SYDE2: variants seen among roughly 807,000 people sequenced by gnomAD.
The protein encoded by SYDE2 is synapse defective Rho GTPase homolog 2, also known as rho GTPase-activating protein SYDE2.
A neutral mutation model predicts 91.5 loss-of-function variants in SYDE2; 76 were observed. The ratio of observed to expected loss-of-function variants is 0.83; its 90% confidence interval spans 0.69 to 1.01. SYDE2 has a LOEUF of 1.01. Ranked by LOEUF, SYDE2 falls within the 50% of genes least tolerant of loss-of-function variation. SYDE2 has a pLI of 0.00. For missense variants in SYDE2, 1,364 were observed against 1,367.7 expected (o/e 1.00, Z 0.04); for synonymous variants, 513 against 506.4 (o/e 1.01, Z -0.18).
chr1:85,163,442 A>AAT (rs1491322072), intron 6 of SYDE2, among the ~76,000 whole-genome samples: 59 of 50,742 alleles, frequency 1.2e-3, no homozygotes, highest in South Asian at 0.011. Flanking sequence ...CTTGTACTTT[A>AAT]ATCTATATAT....
chr1:85,175,905 T>G (rs1387183834), intron 4 of SYDE2, among the ~76,000 whole-genome samples: 1 of 152,084 alleles, frequency 6.6e-6, no homozygotes. Flanking sequence ...TTTACCCAAA[T>G]GGAATAGTAC....
At chr1:85,182,075 AG>A in intron 3 of SYDE2, 22 bp downstream of exon 3, 1 of 1,543,214 alleles carries the variant, frequency 6.5e-7, no homozygotes, top group East Asian at 2.3e-5. Flanking sequence ...AGGAAGTAGT[AG>A]GGAACCATAG....
At chr1:85,172,925 C>T (rs1173394117) in intron 4 of SYDE2, among the ~76,000 whole-genome samples, 1 of 152,148 alleles carries the variant, frequency 6.6e-6, no homozygotes, top group Non-Finnish European at 1.5e-5. Flanking sequence ...ACCAGCCAAA[C>T]AGATTAGAGA....
chr1:85,200,371 G>C lies in SYDE2; in HGVS notation c.626C>G (p.Ala209Gly), dbSNP rs772615748. Residue 209 changes from alanine (A) to glycine (G), a missense_variant, in exon 1 of 7, where the codon GCC (alanine) becomes GGC (glycine). Coordinates refer to ENST00000341460, the MANE Select transcript of SYDE2 (RefSeq NM_032184.2). ...TGTGACTTTGGGAGCCGTCCCACGG[G>C]CACGACCCTTCATTCCCAGGGACAG... ...RLLSLGMKGR[A>G]RGTAPKVTGT... 1 of 1,614,036 alleles carries C rather than the reference G, an allele frequency of 6.2e-7. No individual in the cohort carries two copies. The highest frequency in any genetic ancestry group is 8.5e-7 in the Non-Finnish European group (1 of 1,179,898).
intron 4 of SYDE2, among the ~76,000 whole-genome samples, chr1:85,174,759 T>C (rs999669753): frequency 9.2e-5 from 14 of 152,172 alleles, no homozygotes; most frequent in African/African-American, 3.1e-4. Flanking sequence ...GCTAAGTCTA[T>C]GACCATTCCT....
downstream of SYDE2, among the ~76,000 whole-genome samples, chr1:85,155,185 A>G (rs555050353): frequency 6.6e-6 from 1 of 152,292 alleles, no homozygotes; most frequent in South Asian, 2.1e-4. Flanking sequence ...TGAAGAACAT[A>G]CTTCCTTCCT....
At chr1:85,176,027 T>C (rs1357474023) in intron 4 of SYDE2, among the ~76,000 whole-genome samples, 1 of 152,232 alleles carries the variant, frequency 6.6e-6, no homozygotes, top group Admixed American at 6.5e-5. Context: ...CTTCTGCATA[T>C]GCTGCCAATT....
rs1270666992 is a variant in SYDE2 at position 85,158,134 on chromosome 1, T to C, written c.*616A>G. The C allele has an allele frequency of 6.6e-6, 1 of 152,328 alleles. No individual in the cohort carries two copies. The highest frequency in any genetic ancestry group is 1.5e-5 in the Non-Finnish European group (1 of 68,212). The allele number at this position is 152,328 out of a possible 1,614,324, so 9.4% of individuals were successfully genotyped here. A position where few individuals can be genotyped will look rare whatever the true frequency, so the allele number is the denominator to read the frequency against. On this transcript the variant is annotated 3_prime_UTR_variant, in exon 7 of 7. Coordinates refer to ENST00000341460, the MANE Select transcript of SYDE2 (RefSeq NM_032184.2). Reference sequence around the variant, plus strand: ...GGCTCACGCCTGTAATCCCAGCACTTTGGGAGGCCAAGGTGGGCGGATCAT... The same window carrying C: ...GGCTCACGCCTGTAATCCCAGCACTCTGGGAGGCCAAGGTGGGCGGATCAT...
chr1:85,193,811 A>G (rs1658467030), intron 1 of SYDE2, among the ~76,000 whole-genome samples: 1 of 151,994 alleles, frequency 6.6e-6, no homozygotes, highest in South Asian at 2.1e-4. Context: ...TTCTTTTGGT[A>G]GAGACAGGGT....
At chr1:85,159,992 T>A in intron 6 of SYDE2, 1 of 981,884 alleles carries the variant, frequency 1.0e-6, no homozygotes, top group Non-Finnish European at 1.2e-6. Context: ...TATAGACGAT[T>A]ACCACAGAGA....
rs551535024 is a variant in SYDE2, at chr1:85,182,538, C to A, written c.2104G>T (p.Val702Phe). The change falls in exon 3 of 7, where the codon GTC becomes TTC. Residue 702 changes from valine (V) to phenylalanine (F), a missense_variant. Physicochemically the swap from Val to Phe is conservative, Grantham distance 50. Coordinates refer to ENST00000341460, the MANE Select transcript of SYDE2 (RefSeq NM_032184.2). ...LKPPRIDSKD[V>F]FCAIQVDSVN... ...GAATCTACCTGAATTGCACAAAAGACGTCTTTTGAATCTATCCGAGGTGGT... is the reference window on the plus strand; with the variant it reads ...GAATCTACCTGAATTGCACAAAAGAAGTCTTTTGAATCTATCCGAGGTGGT... 6.8e-6 allele frequency: 11 copies of A among 1,613,756 alleles called. No individual in the cohort carries two copies. Among genetic ancestry groups the A allele is most frequent in the Non-Finnish European group, 9.3e-6 (11 of 1,179,852 alleles).
At chr1:85,173,605 A>G (rs1657581577) in intron 4 of SYDE2, among the ~76,000 whole-genome samples, 1 of 152,214 alleles carries the variant, frequency 6.6e-6, no homozygotes, top group Non-Finnish European at 1.5e-5. Context: ...GCTTAAAAGC[A>G]AGACTAAAAA....
intron 6 of SYDE2, chr1:85,160,641 A>G: frequency 1.7e-5 from 17 of 985,306 alleles, no homozygotes; most frequent in Non-Finnish European, 2.0e-5. Flanking sequence ...GCTTATCACC[A>G]CTATCTCCTT....
In SYDE2 at chr1:85,190,247, C is replaced by A. The variant is rs779640077; in HGVS notation, c.1251G>T (p.Arg417=). 3 of 1,613,876 alleles carry A rather than the reference C, an allele frequency of 1.9e-6. No homozygotes were observed. The highest frequency in any genetic ancestry group is 1.1e-5 in the South Asian group (1 of 91,070). The part of the protein sequence containing the change: ...LSGSDLMKAE[R]HTEDSLCSSE... ...AAGAGCACAGTGAGTCTTCAGTATG[C>A]CGCTCTGCTTTCATCAGGTCACTGC... The change falls in exon 2 of 7, where the codon CGG becomes CGT. Residue 417 remains arginine (R), a synonymous_variant. Transcript: ENST00000341460.
At position 85,190,221 on chromosome 1, in the gene SYDE2, G is replaced by C. The variant is rs1337698055; in HGVS notation, c.1277C>G (p.Ser426Cys). 1 of 1,613,946 alleles carries C rather than the reference G, an allele frequency of 6.2e-7. No individual in the cohort carries two copies. Among genetic ancestry groups the C allele is most frequent in the Admixed American group, 1.7e-5 (1 of 60,020 alleles). ...GGTCTGAATATCACCTGCATGTTCG[G>C]AAGAGCACAGTGAGTCTTCAGTATG... ...ERHTEDSLCSSEHAGDIQTTR... is the reference protein window; with the variant it reads ...ERHTEDSLCSCEHAGDIQTTR... The change falls in exon 2 of 7, where the codon TCC becomes TGC. Residue 426 changes from serine to cysteine, a missense_variant. By Grantham distance (112) the Ser-to-Cys change is moderately radical. Coordinates refer to ENST00000341460, the MANE Select transcript of SYDE2 (RefSeq NM_032184.2).
At chr1:85,193,487 A>C (rs1330248060) in intron 1 of SYDE2, among the ~76,000 whole-genome samples, 1 of 152,200 alleles carries the variant, frequency 6.6e-6, no homozygotes, top group African/African-American at 2.4e-5. Context: ...TCTGACATAC[A>C]CTATAAATGA....
intron 3 of SYDE2, among the ~76,000 whole-genome samples, chr1:85,179,703 T>C (rs1005592128): frequency 3.3e-5 from 5 of 152,106 alleles, no homozygotes; most frequent in African/African-American, 9.7e-5. Context: ...AAAATGAAAC[T>C]AAAATATTAA....
chr1:85,198,640 G>A (rs2100698971), intron 1 of SYDE2, among the ~76,000 whole-genome samples: 1 of 152,210 alleles, frequency 6.6e-6, no homozygotes, highest in Admixed American at 6.5e-5. Context: ...CATTCTTAAA[G>A]GAACTATATT....
At chr1:85,170,260 C>T (rs979636918) in intron 4 of SYDE2, among the ~76,000 whole-genome samples, 2 of 152,006 alleles carry the variant, frequency 1.3e-5, no homozygotes, top group Non-Finnish European at 2.9e-5. Flanking sequence ...GCCCCCACAC[C>T]TGGCTAATTT....
Sources: gnomAD v4.1 joint callset for allele counts (sites outside exome capture counted in the v4.1 genomes callset) on GRCh38, gnomAD v4.1.1 for gene constraint, MANE v1.5 for transcripts, NCBI Gene and HGNC (gene_info 2026-07-23, HGNC 2026-07-21) for gene names.